The following LRRIQ1 variants were observed in gnomAD, a reference collection of about 807,000 sequenced individuals.
LRRIQ1 encodes the protein leucine-rich repeat- and IQ domain-containing protein 1.
Under a neutral mutation model 211.9 loss-of-function variants are expected in LRRIQ1, and 210 were observed. The observed-to-expected ratio is 0.99, with a 90% CI of 0.89 to 1.11. LRRIQ1 has a LOEUF of 1.11. Among genes scored for constraint, LRRIQ1 ranks in the 50% most tolerant of loss-of-function variants. LRRIQ1 has a pLI of 0.00. For missense variants in LRRIQ1, 2,136 were observed against 1,939.5 expected, an observed-to-expected ratio of 1.10 and a Z score of -1.90; for synonymous variants, 699 against 650.1, an observed-to-expected ratio of 1.08 and a Z score of -1.14.
chr12:85,138,094 G>A (rs184107276), intron 19 of LRRIQ1, 125 bp downstream of exon 19: 26 of 587,674 alleles, frequency 4.4e-5, no homozygotes, highest in African/African-American at 2.9e-4. Flanking sequence ...TCCTAACATT[G>A]AGAAACTTTT....
chr12:85,229,923 A>G (rs1894852538), intron 25 of LRRIQ1, among the ~76,000 whole-genome samples: 1 of 152,214 alleles, frequency 6.6e-6, no homozygotes. Flanking sequence ...AAAATGTGGT[A>G]TTCATTAAAT....
chr12:85,118,417 A>G lies in LRRIQ1; in HGVS notation c.3378-3280A>G, dbSNP rs149482351. ...TTCCCTTATTTAAATATTGATGAGAAAAAAGGTTTCAGTTTTCTTTCAGGG... is the reference window on the plus strand; with the variant it reads ...TTCCCTTATTTAAATATTGATGAGAGAAAAGGTTTCAGTTTTCTTTCAGGG... On this transcript the variant is annotated intron_variant, in intron 15 of 26. Transcript: ENST00000393217. Among the ~76,000 whole-genome samples the G allele has an allele frequency of 1.3e-3, 203 of 152,232 alleles. 1 individual carries two copies. The highest frequency in any genetic ancestry group is 4.8e-3 in the African/African-American group (200 of 41,552).
At chr12:85,057,286 T>C (rs572915858) in intron 8 of LRRIQ1, 102 bp downstream of exon 8, 4 of 926,098 alleles carry the variant, frequency 4.3e-6, no homozygotes, top group Non-Finnish European at 4.6e-6. Context: ...TATACAAGAA[T>C]TGTCTCTTGT....
chr12:85,122,181 A>C (rs79023403), intron 16 of LRRIQ1, among the ~76,000 whole-genome samples: 54 of 152,316 alleles, frequency 3.5e-4, no homozygotes, highest in African/African-American at 1.3e-3. Context: ...TTATTCAATA[A>C]TTATTGTAGG....
chr12:85,259,241 G>A (rs547635814), intron 1 of LRRIQ1, among the ~76,000 whole-genome samples: 2 of 152,074 alleles, frequency 1.3e-5, no homozygotes, highest in East Asian at 1.9e-4. Context: ...TTTGTTAGTC[G>A]TACATATTTT....
At chr12:85,196,201 A>G (rs1272456257) in intron 24 of LRRIQ1, among the ~76,000 whole-genome samples, 1 of 151,462 alleles carries the variant, frequency 6.6e-6, no homozygotes, top group Non-Finnish European at 1.5e-5. Flanking sequence ...GGAAGAACAT[A>G]CCATGCTCAT....
chr12:85,060,153 A>G (rs1203230670), intron 8 of LRRIQ1, among the ~76,000 whole-genome samples: 5 of 151,896 alleles, frequency 3.3e-5, no homozygotes, highest in Non-Finnish European at 7.4e-5. Context: ...TGTAAAGAAC[A>G]TGGCCCAGGG....
intron 11 of LRRIQ1, among the ~76,000 whole-genome samples, chr12:85,084,948 A>G (rs948089315): frequency 6.6e-6 from 1 of 152,046 alleles, no homozygotes; most frequent in African/African-American, 2.4e-5. Flanking sequence ...AAGAAGTACA[A>G]TGATTTATAA....
At chr12:85,043,882 T>C (rs1000438329) in intron 3 of LRRIQ1, among the ~76,000 whole-genome samples, 5 of 152,074 alleles carry the variant, frequency 3.3e-5, no homozygotes, top group African/African-American at 1.2e-4. Context: ...TTCTGGCTCA[T>C]AGAAATTAAA....
exon 2 of LRRIQ1, chr12:85,263,881 T>C (rs551513735): frequency 1.3e-5 from 2 of 152,156 alleles, no homozygotes; most frequent in African/African-American, 4.8e-5. Flanking sequence ...AAAGTCTTAC[T>C]GTTGTGTGAT....
intron 10 of LRRIQ1, among the ~76,000 whole-genome samples, chr12:85,068,556 T>C (rs1391065324): frequency 3.9e-5 from 6 of 151,914 alleles, no homozygotes; most frequent in African/African-American, 1.2e-4. Context: ...ATTCCATTCC[T>C]TCATACTTCA....
intron 11 of LRRIQ1, among the ~76,000 whole-genome samples, chr12:85,085,653 A>G (rs952004886): frequency 1.3e-5 from 2 of 152,124 alleles, no homozygotes; most frequent in Non-Finnish European, 2.9e-5. Flanking sequence ...TACATACCCA[A>G]TGCTTAGCTC....
At chr12:85,042,483 TATC>T (rs1043329997) in intron 3 of LRRIQ1, among the ~76,000 whole-genome samples, 48 of 148,422 alleles carry the variant, frequency 3.2e-4, no homozygotes, top group African/African-American at 7.8e-4. Flanking sequence ...TTAAATTTAT[TATC>T]ATCATAAGTT....
chr12:85,220,971 C>T (rs1474669564), intron 24 of LRRIQ1, among the ~76,000 whole-genome samples: 1 of 151,702 alleles, frequency 6.6e-6, no homozygotes, highest in African/African-American at 2.4e-5. Flanking sequence ...TACCACACAC[C>T]CGGCTAATTT....
rs748537175 is a variant in LRRIQ1 at position 85,072,993 on chromosome 12, G to A, written c.2782G>A (p.Ala928Thr). ...CACCTCCACTTCTTACTTATCCCTG[G>A]CACAAGTCTGGATTCCAACTGGATT... ...LGTSTSYLSL[A>T]QVWIPTGLCW... The change falls in exon 11 of 27, where the codon GCA (alanine) becomes ACA (threonine). Residue 928 changes from alanine (A) to threonine (T), a missense_variant. Physicochemically the swap from Ala to Thr is moderately conservative, Grantham distance 58. Coordinates refer to ENST00000393217, the MANE Select transcript of LRRIQ1 (RefSeq NM_001079910.2). 2 of 1,612,512 alleles carry A rather than the reference G, an allele frequency of 1.2e-6. No individual in the cohort carries two copies. Among genetic ancestry groups the A allele is most frequent in the Non-Finnish European group, 1.7e-6 (2 of 1,179,130 alleles).
At chr12:85,062,682 G>C (rs912538008) in intron 8 of LRRIQ1, among the ~76,000 whole-genome samples, 1 of 151,218 alleles carries the variant, frequency 6.6e-6, no homozygotes, top group African/African-American at 2.4e-5. Context: ...GTGTCTTTTT[G>C]GTAGAATGGT....
At chr12:85,062,284 A>G (rs1464602764) in intron 8 of LRRIQ1, among the ~76,000 whole-genome samples, 2 of 151,828 alleles carry the variant, frequency 1.3e-5, no homozygotes, top group Admixed American at 1.3e-4. Context: ...TTGGAGCATG[A>G]TTGAACCTGT....
At chr12:85,130,495 AGTTGTGACTGATACCTCT>A (rs1484198452) in intron 18 of LRRIQ1, among the ~76,000 whole-genome samples, 3 of 152,158 alleles carry the variant, frequency 2.0e-5, no homozygotes, top group African/African-American at 7.2e-5. Context: ...GAAGTAGTCT[AGTTGTGACTGATACCTCT>A]GTTGTGAGTT....
chr12:85,272,373 T>A, the LRRIQ1 span, among the ~76,000 whole-genome samples: 1 of 152,182 alleles, frequency 6.6e-6, no homozygotes, highest in Non-Finnish European at 1.5e-5. Context: ...TATTAAGCAA[T>A]TCCTAATGTG....
Sources: gnomAD v4.1 joint callset for allele counts (sites outside exome capture counted in the v4.1 genomes callset) on GRCh38, gnomAD v4.1.1 for gene constraint, MANE v1.5 for transcripts, NCBI Gene and HGNC (gene_info 2026-07-23, HGNC 2026-07-21) for gene names.